Variants in LIPG observed in about 807,000 individuals in gnomAD.
LIPG encodes lipase G, endothelial type.
A neutral mutation model predicts 51.8 loss-of-function variants in LIPG; 34 were observed. The observed-to-expected ratio is 0.66, with a 90% CI of 0.50 to 0.87. The LOEUF (loss-of-function observed/expected upper bound fraction) is 0.87, where lower values mean the gene tolerates loss of function less well. Among genes scored for constraint, LIPG ranks in the 40% least tolerant of loss-of-function variants. The probability of loss-of-function intolerance (pLI) is 0.00; values close to 1 mark genes in which losing one functional copy is unlikely to be tolerated. For synonymous variants in LIPG, 246 were observed against 246.1 expected (o/e 1.00, Z 0.00); for missense variants, 580 against 652.7 (o/e 0.89, Z 1.21).
rs769467930 is a variant in LIPG, at chr18:49,597,736, G to A, written c.*7214G>A. On this transcript the variant is annotated 3_prime_UTR_variant, in exon 10 of 10. Transcript: ENST00000261292. The stretch of plus-strand genomic sequence containing the variant: ...TATCTCAGCCCAGACGAGTCTGCAC[G>A]CTATGTGGTTTAATACCTTCACCAG... 1 of 152,232 alleles carries A rather than the reference G, an allele frequency of 6.6e-6. No individual in the cohort carries two copies. The highest frequency in any genetic ancestry group is 1.5e-5 in the Non-Finnish European group (1 of 68,060). 9.4% of individuals were successfully genotyped at this position (152,232 alleles called of 1,614,324 possible).
chr18:49,584,635 A>G (rs1030232606), intron 8 of LIPG, among the ~76,000 whole-genome samples: 14 of 152,290 alleles, frequency 9.2e-5, no homozygotes, highest in African/African-American at 3.1e-4. Flanking sequence ...TTCGTCATCT[A>G]TGACACAGCT....
chr18:49,570,039 T>G (rs2084647175), intron 4 of LIPG, among the ~76,000 whole-genome samples: 1 of 152,218 alleles, frequency 6.6e-6, no homozygotes, highest in East Asian at 1.9e-4. Flanking sequence ...ACCCAAGGAC[T>G]CAGGGGAAAA....
chr18:49,569,434 TAGG>T lies in LIPG; in HGVS notation c.460_462del (p.Glu154del), dbSNP rs1202077327. 3.7e-6 allele frequency: 6 copies of T among 1,613,780 alleles called. 1 individual carries two copies. The African/African-American group carries it at 4.0e-5, about 11-fold the overall frequency. On this transcript the variant is annotated splice_acceptor_variant and coding_sequence_variant, in exon 4 of 10. Coordinates refer to ENST00000261292, the MANE Select transcript of LIPG (RefSeq NM_006033.4). LOFTEE classifies it high-confidence loss of function. ...GCTCACATACTTTGGTGACTTTCTA[TAGG>T]AGAAGGACGATTTTTCTCTCGGGAA... is the stretch of plus-strand genomic sequence containing the variant.
chr18:49,582,807 T>C (rs1450936886), intron 7 of LIPG, among the ~76,000 whole-genome samples: 1 of 152,262 alleles, frequency 6.6e-6, no homozygotes, highest in Non-Finnish European at 1.5e-5. Context: ...AGGCAATCTG[T>C]AACTTCGTAA....
At chr18:49,569,930 G>A (rs2084646036) in intron 4 of LIPG, among the ~76,000 whole-genome samples, 1 of 152,204 alleles carries the variant, frequency 6.6e-6, no homozygotes, top group African/African-American at 2.4e-5. Flanking sequence ...ACACGGAGAG[G>A]TGAGACAACT....
In LIPG at chr18:49,575,403, C is replaced by T. The variant is rs542306920; in HGVS notation, c.606C>T (p.Ala202=). The change falls in exon 5 of 10, where the codon GCC becomes GCT. Residue 202 remains alanine (A), a synonymous_variant. Coordinates refer to ENST00000261292, the MANE Select transcript of LIPG (RefSeq NM_006033.4). Reference sequence around the variant, plus strand: ...CTGCCGGGCCCATGTTTGAAGGGGCCGACATCCACAAGAGGCTCTCTCCGG... The same window carrying T: ...CTGCCGGGCCCATGTTTGAAGGGGCTGACATCCACAAGAGGCTCTCTCCGG... ...LDPAGPMFEG[A]DIHKRLSPDD... The T allele has an allele frequency of 5.5e-5, 88 of 1,613,374 alleles. No individual in the cohort carries two copies. Among genetic ancestry groups the T allele is most frequent in the Non-Finnish European group, 6.7e-5 (79 of 1,180,036 alleles).
At chr18:49,576,241 T>C (rs2148850943) in intron 5 of LIPG, among the ~76,000 whole-genome samples, 1 of 152,236 alleles carries the variant, frequency 6.6e-6, no homozygotes, top group Non-Finnish European at 1.5e-5. Flanking sequence ...CTCCCACCCC[T>C]ACTTCCACTC....
At chr18:49,584,832 T>G (rs2084864845) in intron 8 of LIPG, among the ~76,000 whole-genome samples, 1 of 152,166 alleles carries the variant, frequency 6.6e-6, no homozygotes, top group Non-Finnish European at 1.5e-5. Context: ...ATAAATAAAA[T>G]ATTTCAAAGA....
chr18:49,587,313 G>A (rs2084892206), intron 9 of LIPG, among the ~76,000 whole-genome samples: 1 of 151,942 alleles, frequency 6.6e-6, no homozygotes, highest in Non-Finnish European at 1.5e-5. Flanking sequence ...GCTCACGCCT[G>A]TAATCCCAGC....
chr18:49,564,388 T>C (rs572425166), intron 1 of LIPG, among the ~76,000 whole-genome samples: 1 of 152,332 alleles, frequency 6.6e-6, no homozygotes, highest in African/African-American at 2.4e-5. Flanking sequence ...ACCTACTTAG[T>C]GTTAAGCCAC....
chr18:49,590,222 A>C, intron 9 of LIPG: 1 of 525,276 alleles, frequency 1.9e-6, no homozygotes, highest in South Asian at 1.9e-5. Context: ...TTGTGGGTGG[A>C]TAATATGTAA....
intron 6 of LIPG, chr18:49,581,858 G>A: frequency 1.5e-6 from 1 of 651,774 alleles, no homozygotes. Context: ...CTTTTGTGAT[G>A]TGGCTATCAG....
intron 5 of LIPG, among the ~76,000 whole-genome samples, chr18:49,580,990 G>T (rs1002110354): frequency 6.6e-6 from 1 of 152,096 alleles, no homozygotes; most frequent in Non-Finnish European, 1.5e-5. Context: ...CGGGTGCAGC[G>T]GCTCACATCT....
chr18:49,581,922 A>G (rs1261040278), intron 6 of LIPG: 4 of 598,246 alleles, frequency 6.7e-6, no homozygotes, highest in Non-Finnish European at 1.2e-5. Flanking sequence ...TAACTTTCAA[A>G]GCTGTTTCAT....
intron 3 of LIPG, 87 bp from the exon 4 acceptor site, chr18:49,569,350 C>A: frequency 9.0e-7 from 1 of 1,116,102 alleles, no homozygotes; most frequent in Non-Finnish European, 1.4e-6. Context: ...TCTCCTCCTG[C>A]TCCGTGACTG....
At chr18:49,572,747 A>T (rs988000074) in intron 4 of LIPG, among the ~76,000 whole-genome samples, 53 of 152,074 alleles carry the variant, frequency 3.5e-4, no homozygotes, top group African/African-American at 1.2e-3. Flanking sequence ...AAAAAAAAAA[A>T]AAAAAGTAGC....
intron 3 of LIPG, 78 bp from the exon 4 acceptor site, chr18:49,569,359 T>G: frequency 1.3e-4 from 154 of 1,191,686 alleles, no homozygotes; most frequent in Non-Finnish European, 1.8e-4. Context: ...GCTCCGTGAC[T>G]GAGTTGTTGA....
rs758746305 is a variant in LIPG at position 49,583,610 on chromosome 18, G to A, written c.1212G>A (p.Glu404=). The A allele has an allele frequency of 9.9e-6, 16 of 1,614,202 alleles. No homozygotes were observed. The East Asian group carries it at 3.3e-4, about 34-fold the overall frequency. Residue 404 remains glutamate, a synonymous_variant, in exon 8 of 10, where the codon GAG becomes GAA. Transcript: ENST00000261292. ...ATNTFLVYTE[E]DLGDLLKIQL... ...ACACCTTCCTGGTCTACACCGAGGA[G>A]GACTTGGGAGACCTCTTGAAGATCC...
chr18:49,592,679 T>A lies in LIPG; in HGVS notation c.*2157T>A, dbSNP rs973860279. The stretch of plus-strand genomic sequence containing the variant: ...GGTCACTTCTGACTTCTGTTTTTAC[T>A]AATGGAAGCTTTGCAAATTGAATTC... On this transcript the variant is annotated 3_prime_UTR_variant, in exon 10 of 10. Coordinates refer to ENST00000261292, the MANE Select transcript of LIPG (RefSeq NM_006033.4). 6.6e-6 allele frequency: 1 copy of A among 152,260 alleles called. No individual in the cohort carries two copies. The highest frequency in any genetic ancestry group is 1.5e-5 in the Non-Finnish European group (1 of 68,082). 9.4% of individuals were successfully genotyped at this position (152,260 alleles called of 1,614,324 possible).
Sources: gnomAD v4.1 joint callset for allele counts (sites outside exome capture counted in the v4.1 genomes callset) on GRCh38, gnomAD v4.1.1 for gene constraint, MANE v1.5 for transcripts, NCBI Gene and HGNC (gene_info 2026-07-23, HGNC 2026-07-21) for gene names.